Variants in SMARCA4 observed in about 807,000 individuals in gnomAD.
The protein encoded by SMARCA4 is SWI/SNF-related matrix-associated actin-dependent regulator of chromatin subfamily A member 4.
A neutral mutation model predicts 193.9 loss-of-function variants in SMARCA4; 31 were observed. That is an observed-to-expected ratio of 0.16 (90% CI 0.12 to 0.22). The LOEUF (loss-of-function observed/expected upper bound fraction) is 0.22. Among genes scored for constraint, SMARCA4 ranks in the 10% least tolerant of loss-of-function variants. The pLI is 1.00. For synonymous variants in SMARCA4, 942 were observed against 933.1 expected, an observed-to-expected ratio of 1.01 and a Z score of -0.17; for missense variants, 1,148 against 2,296.0, an observed-to-expected ratio of 0.50 and a Z score of 10.22.
In SMARCA4 at chr19:10,989,452, T is replaced by C. The variant is rs756341190; in HGVS notation, c.1245+9T>C. ...TGAACTTCCAGAGGCAGGTGGGTGCTGGCATGGCCGCAGCTTTCCGAAAAG... is the reference window on the plus strand; with the variant it reads ...TGAACTTCCAGAGGCAGGTGGGTGCCGGCATGGCCGCAGCTTTCCGAAAAG... On this transcript the variant is annotated intron_variant, in intron 7 of 34. Coordinates refer to ENST00000344626, the MANE Select transcript of SMARCA4 (RefSeq NM_003072.5). 7 of 1,613,872 alleles carry C rather than the reference T, an allele frequency of 4.3e-6. No homozygotes were observed. Among genetic ancestry groups the C allele is most frequent in the Non-Finnish European group, 5.1e-6 (6 of 1,179,920 alleles).
intron 1 of SMARCA4, among the ~76,000 whole-genome samples, chr19:10,969,723 C>T (rs1007499973): frequency 1.3e-5 from 2 of 152,196 alleles, no homozygotes; most frequent in South Asian, 4.1e-4. Flanking sequence ...AGCCACTGCA[C>T]CTGGCCCCCT....
At chr19:11,061,261 CACAGTCAGGAAGA>C in intron 34 of SMARCA4, among the ~76,000 whole-genome samples, 1 of 139,278 alleles carries the variant, frequency 7.2e-6, no homozygotes, top group East Asian at 2.1e-4. Context: ...AAAGATCTTT[CACAGTCAGGAAGA>C]ACCAAGATGG....
intron 7 of SMARCA4, among the ~76,000 whole-genome samples, chr19:10,990,888 A>G (rs1411542882): frequency 6.6e-6 from 1 of 152,192 alleles, no homozygotes; most frequent in East Asian, 1.9e-4. Context: ...AATGACTCCT[A>G]AGACGTGTGT....
At chr19:10,977,414 C>T (rs1405454517) in intron 1 of SMARCA4, among the ~76,000 whole-genome samples, 1 of 150,320 alleles carries the variant, frequency 6.7e-6, no homozygotes, top group Admixed American at 6.6e-5. Flanking sequence ...GCCTCTGCCT[C>T]TCGGGTTCAA....
chr19:11,057,092 C>T (rs1171978131), intron 30 of SMARCA4, among the ~76,000 whole-genome samples: 2 of 152,252 alleles, frequency 1.3e-5, no homozygotes, highest in Non-Finnish European at 2.9e-5. Flanking sequence ...CATCAGGCCC[C>T]GTTGGCCACT....
At chr19:11,059,399 G>C (rs1375818822) in intron 32 of SMARCA4, among the ~76,000 whole-genome samples, 1 of 152,198 alleles carries the variant, frequency 6.6e-6, no homozygotes, top group Non-Finnish European at 1.5e-5. Context: ...ACTTGACTTT[G>C]ATGAGTTTGG....
chr19:11,035,934 C>A (rs1257142817), intron 29 of SMARCA4, among the ~76,000 whole-genome samples: 2 of 152,238 alleles, frequency 1.3e-5, no homozygotes, highest in Non-Finnish European at 2.9e-5. Flanking sequence ...TAAAAATGTC[C>A]TGAAGCAATA....
chr19:11,026,534 T>A (rs1043537556), intron 23 of SMARCA4, among the ~76,000 whole-genome samples, 188 bp downstream of exon 23: 4 of 149,542 alleles, frequency 2.7e-5, no homozygotes, highest in African/African-American at 4.9e-5. Context: ...AGTTTTGCTC[T>A]TGTTGCCCAG....
At chr19:11,053,808 G>A (rs2147019189) in intron 30 of SMARCA4, among the ~76,000 whole-genome samples, 1 of 152,196 alleles carries the variant, frequency 6.6e-6, no homozygotes, top group East Asian at 1.9e-4. Context: ...CTACTTGGGA[G>A]GCTGAAGCAG....
chr19:11,051,789 G>A (rs530799639), intron 30 of SMARCA4, among the ~76,000 whole-genome samples: 2 of 151,682 alleles, frequency 1.3e-5, no homozygotes, highest in East Asian at 2.0e-4. Context: ...ATGTCCGGCC[G>A]GAAATGTTTA....
chr19:10,981,246 T>TC lies in SMARCA4; in HGVS notation c.-31-2870dup, dbSNP rs111947005. Among the ~76,000 whole-genome samples, 818 of 152,280 alleles carry TC rather than the reference T, an allele frequency of 5.4e-3. 14 individuals carry two copies. The highest frequency in any genetic ancestry group is 0.017 in the African/African-American group (701 of 41,556). The stretch of plus-strand genomic sequence containing the variant: ...AGGGGAGCGCCAAGGAGCCAGTGCC[T>TC]CCCCCTGCCCTGGCCGTGCCCACGT... On this transcript the variant is annotated intron_variant, in intron 1 of 34. Transcript: ENST00000344626.
At chr19:11,032,518 T>C (rs1568507398) in intron 25 of SMARCA4, 2 of 151,870 alleles carry the variant, frequency 1.3e-5, no homozygotes, top group South Asian at 2.1e-4. Flanking sequence ...ATACAAAAAT[T>C]AGCCAGGCAT....
rs554604380 is a variant in SMARCA4, at chr19:10,993,835, C to T, written c.1420-993C>T. On this transcript the variant is annotated intron_variant, in intron 8 of 34. Coordinates refer to ENST00000344626, the MANE Select transcript of SMARCA4 (RefSeq NM_003072.5). ...TAATTTTTTGTATTTTTAGTAGAGACGGGGTTTCACCATGTTAGCCAGGAT... is the reference window on the plus strand; with the variant it reads ...TAATTTTTTGTATTTTTAGTAGAGATGGGGTTTCACCATGTTAGCCAGGAT... 1.4e-4 allele frequency among the ~76,000 whole-genome samples: 21 copies of T among 151,190 alleles called. No individual in the cohort carries two copies. In the South Asian group the frequency reaches 3.8e-3, roughly 27 times the overall value.
chr19:11,010,910 T>C (rs1049506575), intron 15 of SMARCA4: 11 of 347,428 alleles, frequency 3.2e-5, no homozygotes, highest in Admixed American at 1.9e-4. Flanking sequence ...GATCTGGGCA[T>C]CTGCATGCTC....
intron 13 of SMARCA4, among the ~76,000 whole-genome samples, chr19:11,005,189 C>T (rs1366096451): frequency 6.6e-6 from 1 of 151,762 alleles, no homozygotes; most frequent in African/African-American, 2.4e-5. Flanking sequence ...ACTTTAGCTA[C>T]CCTGGAGTCT....
chr19:11,038,947 C>T (rs2075416822), intron 29 of SMARCA4, among the ~76,000 whole-genome samples: 1 of 152,126 alleles, frequency 6.6e-6, no homozygotes, highest in African/African-American at 2.4e-5. Context: ...GTGGTCAGAC[C>T]TGGCAGCTTG....
chr19:10,970,696 A>G (rs895338518), intron 1 of SMARCA4, among the ~76,000 whole-genome samples: 3 of 152,230 alleles, frequency 2.0e-5, no homozygotes, highest in African/African-American at 7.2e-5. Context: ...AGCCCACTGC[A>G]TCTGGCCGAT....
At chr19:10,969,492 G>C (rs1237119142) in intron 1 of SMARCA4, among the ~76,000 whole-genome samples, 1 of 151,744 alleles carries the variant, frequency 6.6e-6, no homozygotes, top group Admixed American at 6.6e-5. Context: ...GTGCAATGGC[G>C]GGGTCTCGGC....
chr19:10,994,276 C>T (rs929372861), intron 8 of SMARCA4, among the ~76,000 whole-genome samples: 2 of 148,742 alleles, frequency 1.3e-5, no homozygotes, highest in African/African-American at 5.0e-5. Context: ...CTCCTGACCT[C>T]AGGCATTTTG....
Sources: gnomAD v4.1 joint callset for allele counts (sites outside exome capture counted in the v4.1 genomes callset) on GRCh38, gnomAD v4.1.1 for gene constraint, MANE v1.5 for transcripts, NCBI Gene and HGNC (gene_info 2026-07-23, HGNC 2026-07-21) for gene names.